ARHGEF33: variants seen among roughly 807,000 people sequenced by gnomAD.
ARHGEF33 encodes the protein Rho guanine nucleotide exchange factor 33, also known as DH and coiled-coil domain-containing protein ENSP00000381780.
ARHGEF33 carries 72 observed loss-of-function variants against 101.9 expected under a neutral mutation model. The ratio of observed to expected loss-of-function variants is 0.71; its 90% CI spans 0.58 to 0.86. The LOEUF is 0.86. ARHGEF33 is among the 40% of genes least tolerant of loss of function. The pLI, the probability that ARHGEF33 is intolerant of heterozygous loss-of-function variation, is 0.00. For synonymous variants in ARHGEF33, 499 were observed against 442.5 expected, an observed-to-expected ratio of 1.13 and a Z score of -1.60; for missense variants, 1,169 against 1,111.3, an observed-to-expected ratio of 1.05 and a Z score of -0.74.
intron 16 of ARHGEF33, among the ~76,000 whole-genome samples, chr2:38,963,112 A>C (rs957605132): frequency 4.6e-5 from 7 of 151,860 alleles, no homozygotes; most frequent in African/African-American, 1.7e-4. Context: ...ATGTGGGTAT[A>C]CATATGTGCA....
chr2:38,895,392 C>G (rs1257579282), intron 1 of ARHGEF33, among the ~76,000 whole-genome samples: 3 of 152,170 alleles, frequency 2.0e-5, no homozygotes, highest in Non-Finnish European at 4.4e-5. Context: ...TTAGAAAAGA[C>G]TCTAGATTTG....
At chr2:38,922,355 G>GC (rs1159547838) in intron 4 of ARHGEF33, among the ~76,000 whole-genome samples, 1 of 152,102 alleles carries the variant, frequency 6.6e-6, no homozygotes, top group African/African-American at 2.4e-5. Context: ...CTCACAAGCA[G>GC]AAATACAGGA....
chr2:38,961,400 A>G (rs969265610), intron 16 of ARHGEF33, among the ~76,000 whole-genome samples: 1 of 152,094 alleles, frequency 6.6e-6, no homozygotes, highest in Non-Finnish European at 1.5e-5. Context: ...TTTGGTGTCT[A>G]ATTGTGGTGT....
At chr2:38,925,070 G>A (rs1666841562) in intron 4 of ARHGEF33, among the ~76,000 whole-genome samples, 1 of 152,002 alleles carries the variant, frequency 6.6e-6, no homozygotes, top group Non-Finnish European at 1.5e-5. Context: ...TAGAATATTA[G>A]GAGGGAAAAA....
At chr2:38,904,127 A>G (rs998016761) in intron 2 of ARHGEF33, among the ~76,000 whole-genome samples, 1 of 152,258 alleles carries the variant, frequency 6.6e-6, no homozygotes. Context: ...TGAGTTTTAC[A>G]GTTATTCCAA....
rs556813483 is a variant in ARHGEF33, at chr2:38,920,272, G to A, written c.25+800G>A. Among the ~76,000 whole-genome samples the A allele has an allele frequency of 1.2e-4, 18 of 152,218 alleles. No individual in the cohort carries two copies. The East Asian group carries it at 3.3e-3, about 28-fold the overall frequency. On this transcript the variant is annotated intron_variant, in intron 3 of 17. Transcript: ENST00000409978. ...AGATGAAGCTAAATGGATAAGCAAC[G>A]AGCTGAATGTTTTACATGGATTGCC...
chr2:38,952,482 C>T (rs1250982699), intron 11 of ARHGEF33, among the ~76,000 whole-genome samples: 1 of 152,256 alleles, frequency 6.6e-6, no homozygotes, highest in East Asian at 1.9e-4. Flanking sequence ...GGCAGAGTCC[C>T]TCATCTGGAC....
intron 2 of ARHGEF33, among the ~76,000 whole-genome samples, chr2:38,912,728 A>T (rs1008862760): frequency 6.6e-6 from 1 of 152,210 alleles, no homozygotes; most frequent in Non-Finnish European, 1.5e-5. Flanking sequence ...GGAGAAAGCC[A>T]GGAGTAATAA....
intron 14 of ARHGEF33, 70 bp from the exon 15 acceptor site, chr2:38,957,964 G>A: frequency 1.3e-6 from 2 of 1,483,714 alleles, no homozygotes; most frequent in African/African-American, 1.4e-5. Flanking sequence ...TATCTTTTTT[G>A]GCATAATATG....
chr2:38,894,593 C>A lies in ARHGEF33; in HGVS notation c.-158-1184C>A, dbSNP rs139229944. Among the ~76,000 whole-genome samples the A allele has an allele frequency of 4.2e-3, 633 of 152,292 alleles. 5 individuals carry two copies. The highest frequency in any genetic ancestry group is 0.015 in the African/African-American group (605 of 41,560). ...GGTTCCTGTCATCTTGCTCTTCTGCCATCCTTAGTATATCACCTCTTGGTC... is the reference window on the plus strand; with the variant it reads ...GGTTCCTGTCATCTTGCTCTTCTGCAATCCTTAGTATATCACCTCTTGGTC... On this transcript the variant is annotated intron_variant, in intron 1 of 17. Transcript: ENST00000409978.
chr2:38,901,853 C>T lies in ARHGEF33; in HGVS notation c.-86+6004C>T, dbSNP rs556662260. 2.6e-5 allele frequency among the ~76,000 whole-genome samples: 4 copies of T among 152,302 alleles called. No homozygotes were observed. In the South Asian group the frequency reaches 8.3e-4, roughly 32 times the overall value. On this transcript the variant is annotated intron_variant, in intron 2 of 17. Transcript: ENST00000409978. ...GCATGAGGCCGGGCACGGTGGCTCA[C>T]GCCTGTAATCCCAGCACTTTGGGAG...
chr2:38,921,409 A>G lies in ARHGEF33; in HGVS notation c.61A>G (p.Thr21Ala), dbSNP rs201910615. Residue 21 changes from threonine (T) to alanine (A), a missense_variant, in exon 4 of 18, where the codon ACG becomes GCG. Physicochemically the swap from Thr to Ala is moderately conservative, Grantham distance 58. Coordinates refer to ENST00000409978, the MANE Select transcript of ARHGEF33 (RefSeq NM_001145451.5). The part of the protein sequence containing the change: ...NEHMPVNNPS[T>A]QIYQLQALAS... ...ACATATGCCGGTGAATAATCCTTCC[A>G]CGCAGATTTACCAGGTAAAGACAAA... 2.6e-6 allele frequency: 4 copies of G among 1,545,222 alleles called. No individual in the cohort carries two copies. The highest frequency in any genetic ancestry group is 2.6e-6 in the Non-Finnish European group (3 of 1,141,082).
At chr2:38,965,891 G>T in intron 16 of ARHGEF33, 115 bp from the exon 17 acceptor site, 1 of 1,289,372 alleles carries the variant, frequency 7.8e-7, no homozygotes, top group Non-Finnish European at 1.1e-6. Context: ...GGTGCCCACT[G>T]GTAGTCTTTT....
intron 2 of ARHGEF33, among the ~76,000 whole-genome samples, chr2:38,904,414 T>C (rs997564894): frequency 1.9e-4 from 26 of 139,614 alleles, no homozygotes; most frequent in Non-Finnish European, 3.1e-4. Context: ...TTTATGAAGA[T>C]GAAAAAACAG....
intron 2 of ARHGEF33, among the ~76,000 whole-genome samples, chr2:38,902,533 G>A (rs1666272355): frequency 1.3e-5 from 2 of 152,170 alleles, no homozygotes; most frequent in South Asian, 4.1e-4. Context: ...GGCTTGGCTG[G>A]CTGATCTCTG....
At chr2:38,890,714 T>G (rs924080473) in intron 1 of ARHGEF33, among the ~76,000 whole-genome samples, 1 of 152,234 alleles carries the variant, frequency 6.6e-6, no homozygotes, top group African/African-American at 2.4e-5. Context: ...ATATTTTTAA[T>G]AGCCCCTTTT....
rs1441938502 is a variant in ARHGEF33, at chr2:38,960,426, C to A, written c.2121C>A (p.Arg707=). Residue 707 remains arginine, a synonymous_variant, in exon 16 of 18, where the codon CGC becomes CGA. Coordinates refer to ENST00000409978, the MANE Select transcript of ARHGEF33 (RefSeq NM_001145451.5). The part of the protein sequence containing the change: ...QAHGKAKPLS[R]SLKEFPRAPP... ...ACGGCAAGGCCAAGCCGCTGAGCCG[C>A]TCTCTCAAAGAGTTCCCGCGTGCGC... is the stretch of plus-strand genomic sequence containing the variant. The A allele has an allele frequency of 5.3e-6, 8 of 1,515,946 alleles. No individual in the cohort carries two copies. The highest frequency in any genetic ancestry group is 6.1e-6 in the Non-Finnish European group (7 of 1,138,428). The allele number at this position is 1,515,946 out of a possible 1,614,324, so 93.9% of individuals were successfully genotyped here. A position where few individuals can be genotyped will look rare whatever the true frequency, so the allele number is the denominator to read the frequency against.
rs112973226 is a variant in ARHGEF33 at position 38,969,585 on chromosome 2, T to C, written c.2483+3440T>C. 949 of 168,796 alleles carry C rather than the reference T, an allele frequency of 5.6e-3. 12 individuals are homozygous for C. Among genetic ancestry groups the C allele is most frequent in the African/African-American group, 0.022 (908 of 41,604 alleles). 10.5% of individuals were successfully genotyped at this position (168,796 alleles called of 1,614,324 possible). A position where few individuals can be genotyped will look rare whatever the true frequency, so the allele number is the denominator to read the frequency against. Reference sequence around the variant, plus strand: ...AGTCAAGTTGACATCATTAAAAAAATCCTGAAAAATGCCCAAAATATTTGG... The same window carrying C: ...AGTCAAGTTGACATCATTAAAAAAACCCTGAAAAATGCCCAAAATATTTGG... On this transcript the variant is annotated intron_variant, in intron 17 of 17. Transcript: ENST00000409978.
chr2:38,892,352 A>C (rs528336973), intron 1 of ARHGEF33, among the ~76,000 whole-genome samples: 1 of 152,152 alleles, frequency 6.6e-6, no homozygotes, highest in South Asian at 2.1e-4. Flanking sequence ...CGTAATTTTC[A>C]CTGGGTTTTT....
Sources: gnomAD v4.1 joint callset for allele counts (sites outside exome capture counted in the v4.1 genomes callset) on GRCh38, gnomAD v4.1.1 for gene constraint, MANE v1.5 for transcripts, NCBI Gene and HGNC (gene_info 2026-07-23, HGNC 2026-07-21) for gene names.